CLUH: variants seen among roughly 807,000 people sequenced by gnomAD.
CLUH encodes the protein clustered mitochondria protein homolog.
In CLUH, 77 loss-of-function variants were observed where a neutral mutation model predicts 139.3. The observed-to-expected ratio is 0.55, with a 90% CI of 0.46 to 0.67. CLUH has a LOEUF of 0.67. Ranked by LOEUF, CLUH falls within the 30% of genes least tolerant of loss-of-function variation. The pLI is 0.00. For missense variants in CLUH, 1,876 were observed against 1,875.8 expected (o/e 1.00, Z 0.00); for synonymous variants, 999 against 801.6 (o/e 1.25, Z -4.16).
intron 13 of CLUH, chr17:2,695,886 C>T (rs1000636047): frequency 1.5e-5 from 9 of 584,382 alleles, no homozygotes; most frequent in Non-Finnish European, 2.7e-5. Flanking sequence ...GGGCAGCCCC[C>T]ACTGAGCTCT....
intron 1 of CLUH, among the ~76,000 whole-genome samples, chr17:2,711,355 C>T (rs2070516534): frequency 6.6e-6 from 1 of 152,132 alleles, no homozygotes; most frequent in Admixed American, 6.5e-5. Context: ...GGCTGCCCTC[C>T]ACGGGACCGC....
At position 2,700,392 on chromosome 17, in the gene CLUH, G is replaced by A; in HGVS notation, c.1256C>T (p.Ala419Val). ...AGAGGCTGCAGGCACCTTGAATATG[G>A]CCCTTTCTCGGAGCAGCCGCTCAGG... ...NLPERLLRER[A>V]IFKVHSDFTA... The change falls in exon 9 of 26, where the codon GCC becomes GTC. Residue 419 changes from alanine to valine, a missense_variant. Physicochemically the swap from Ala to Val is moderately conservative, Grantham distance 64. Transcript: ENST00000651024. 3 of 1,612,814 alleles carry A rather than the reference G, an allele frequency of 1.9e-6. No individual in the cohort carries two copies. Among genetic ancestry groups the A allele is most frequent in the Non-Finnish European group, 2.5e-6 (3 of 1,179,658 alleles).
At chr17:2,691,956 GCCA>G (rs1567575736) in intron 23 of CLUH, 45 bp downstream of exon 23, 39 of 440,022 alleles carry the variant, frequency 8.9e-5, no homozygotes, top group African/African-American at 4.5e-4. Flanking sequence ...CCCCCGCCCC[GCCA>G]CGCCCCCGCC....
Position 2,706,777 on chromosome 17 carries a change from A to T in CLUH, c.101-2213T>A, listed in dbSNP as rs1260448775. Among the ~76,000 whole-genome samples the T allele has an allele frequency of 2.6e-5, 4 of 152,032 alleles. No individual in the cohort carries two copies. Among genetic ancestry groups the T allele is most frequent in the Non-Finnish European group, 5.9e-5 (4 of 67,990 alleles). ...GCTGTGCTGGCTGCCAAGCCCCTGG[A>T]ATAAGGGGAGAAGCAGGAAGGGCCC... On this transcript the variant is annotated intron_variant, in intron 1 of 25. Coordinates refer to ENST00000651024, the MANE Select transcript of CLUH (RefSeq NM_001366661.1). The surrounding 1 kb of genome is among the most constrained non-coding windows in gnomAD (Gnocchi z 4.6).
chr17:2,701,906 T>C lies in CLUH; in HGVS notation c.619+8A>G. 1 of 1,613,366 alleles carries C rather than the reference T, an allele frequency of 6.2e-7. No homozygotes were observed. Among genetic ancestry groups the C allele is most frequent in the South Asian group, 1.1e-5 (1 of 91,074 alleles). The stretch of plus-strand genomic sequence containing the variant: ...TGGCCCAATCCCCGGCCCCAGTGCC[T>C]CCCGCACCTCCCAGGTCGCCGTCGG... On this transcript the variant is annotated splice_region_variant and intron_variant, in intron 4 of 25. Coordinates refer to ENST00000651024, the MANE Select transcript of CLUH (RefSeq NM_001366661.1).
intron 19 of CLUH, among the ~76,000 whole-genome samples, chr17:2,693,667 TG>T (rs765236720): frequency 6.3e-4 from 96 of 152,158 alleles, no homozygotes; most frequent in African/African-American, 1.8e-3. Context: ...TGACGCCCTG[TG>T]GGGGGGTCCC....
In CLUH at chr17:2,703,622, T is replaced by C. The variant is rs576124554; in HGVS notation, c.304-133A>G. ...CCCTTGTCCCCAGCCCAAAGTACCT[T>C]GGTCCCCAGAATAAATGCCCCAAAT... On this transcript the variant is annotated intron_variant, in intron 2 of 25. Transcript: ENST00000651024. This position sits in a 1 kb window ranked among gnomAD's most constrained non-coding sequence, Gnocchi z 4.2. 3.8e-5 allele frequency: 31 copies of C among 813,540 alleles called. No individual in the cohort carries two copies. In the East Asian group the frequency reaches 6.8e-4, roughly 18 times the overall value. 50.4% of individuals were successfully genotyped at this position (813,540 alleles called of 1,614,324 possible).
Position 2,701,254 on chromosome 17 carries a change from T to C in CLUH, c.911A>G (p.Tyr304Cys). The C allele has an allele frequency of 6.2e-7, 1 of 1,612,590 alleles. No individual in the cohort carries two copies. The highest frequency in any genetic ancestry group is 8.5e-7 in the Non-Finnish European group (1 of 1,179,346). ...RGFYLNQSTAYHFNPKPASPR... is the reference protein window; with the variant it reads ...RGFYLNQSTACHFNPKPASPR... ...GCTGGCGGGCTTGGGGTTGAAGTGATAAGCTGTGGACCTGCAGGGAGAGGG... is the reference window on the plus strand; with the variant it reads ...GCTGGCGGGCTTGGGGTTGAAGTGACAAGCTGTGGACCTGCAGGGAGAGGG... The change falls in exon 7 of 26, where the codon TAT becomes TGT. Residue 304 changes from tyrosine (Y) to cysteine (C), a missense_variant. Transcript: ENST00000651024.
Position 2,701,454 on chromosome 17 carries a change from G to T in CLUH, c.811C>A (p.His271Asn), listed in dbSNP as rs2070177041. The change falls in exon 6 of 26, where the codon CAC becomes AAC. Residue 271 changes from histidine (H) to asparagine (N), a missense_variant. This residue lies in a region of CLUH where 270 missense variants were observed against 354.7 expected (regional missense o/e 0.76). Transcript: ENST00000651024. ...WNPPPGNRKM[H>N]GDLMYLFVIT... The stretch of plus-strand genomic sequence containing the variant: ...ACAAACAGGTACATGAGGTCCCCGT[G>T]CATCTTCCGGTTCCCCGGGGGCGGG... 6.2e-7 allele frequency: 1 copy of T among 1,613,592 alleles called. No individual in the cohort carries two copies.
Position 2,692,045 on chromosome 17 carries a change from G to A in CLUH, c.3613C>T (p.Leu1205=), listed in dbSNP as rs2069704253. The A allele has an allele frequency of 6.2e-7, 1 of 1,602,784 alleles. No homozygotes were observed. The highest frequency in any genetic ancestry group is 2.3e-5 in the East Asian group (1 of 44,434). ...YESKAEFRSA[L]QHEKEGYTIY... is the part of the protein sequence containing the mutation. The stretch of plus-strand genomic sequence containing the variant: ...GTGTAACCCTCCTTCTCGTGCTGCA[G>A]GGCCGACCGGAACTCAGCTTTGCTC... The change falls in exon 23 of 26, where the codon CTG becomes TTG. Residue 1205 remains leucine (L), a synonymous_variant. Transcript: ENST00000651024.
At chr17:2,691,959 A>ACGCCC (rs2069679490) in intron 23 of CLUH, 45 bp downstream of exon 23, 18 of 380,128 alleles carry the variant, frequency 4.7e-5, no homozygotes, top group South Asian at 4.0e-4. Context: ...CCGCCCCGCC[A>ACGCCC]CGCCCCCGCC....
rs139378289 is a variant in CLUH, at chr17:2,696,069, G to A, written c.2391+90C>T. On this transcript the variant is annotated intron_variant, in intron 13 of 25. Coordinates refer to ENST00000651024, the MANE Select transcript of CLUH (RefSeq NM_001366661.1). ...AAAGCTGAAAAAGTCACTCCTGCGA[G>A]CCTGTGTTCATGGGCCTCCAAGTCG... 4.1e-4 allele frequency: 429 copies of A among 1,054,464 alleles called. 3 individuals are homozygous for A. The East Asian group carries it at 0.011, about 27-fold the overall frequency. 65.3% of individuals were successfully genotyped at this position (1,054,464 alleles called of 1,614,324 possible).
At chr17:2,691,541 A>G in intron 25 of CLUH, 68 bp downstream of exon 25, 1 of 1,486,682 alleles carries the variant, frequency 6.7e-7, no homozygotes, top group Non-Finnish European at 9.2e-7. Context: ...AGCCCGGGTG[A>G]CAGGGCGAGA....
rs2070364606 is a variant in CLUH at position 2,706,822 on chromosome 17, A to T, written c.101-2258T>A. Among the ~76,000 whole-genome samples, 1 of 152,156 alleles carries T rather than the reference A, an allele frequency of 6.6e-6. No homozygotes were observed. The highest frequency in any genetic ancestry group is 1.5e-5 in the Non-Finnish European group (1 of 68,014). ...GGGCCCCCACCCAATATAGAACAGC[A>T]GTTTTGAGCTATGAGATCCCAAAAG... is the stretch of plus-strand genomic sequence containing the variant. On this transcript the variant is annotated intron_variant, in intron 1 of 25. Transcript: ENST00000651024. This position sits in a 1 kb window ranked among gnomAD's most constrained non-coding sequence, Gnocchi z 4.6.
intron 10 of CLUH, among the ~76,000 whole-genome samples, chr17:2,697,682 C>T (rs554244979): frequency 6.6e-6 from 1 of 152,236 alleles, no homozygotes; most frequent in Non-Finnish European, 1.5e-5. Flanking sequence ...CCACATTACC[C>T]GCCTGGCTGC....
In CLUH at chr17:2,700,670, GC is replaced by G; in HGVS notation, c.1173+7del. 1.3e-6 allele frequency: 2 copies of G among 1,519,310 alleles called. No homozygotes were observed. Among genetic ancestry groups the G allele is most frequent in the Non-Finnish European group, 1.8e-6 (2 of 1,137,478 alleles). 94.1% of individuals were successfully genotyped at this position (1,519,310 alleles called of 1,614,324 possible). A position where few individuals can be genotyped will look rare whatever the true frequency, so the allele number is the denominator to read the frequency against. ...TGCCCAGCGAGGGCAGGGCCAGGTT[GC>G]AGGCACCTGTCCAGGAATGTGCTCC... On this transcript the variant is annotated splice_region_variant and intron_variant, in intron 8 of 25. Coordinates refer to ENST00000651024, the MANE Select transcript of CLUH (RefSeq NM_001366661.1).
In CLUH at chr17:2,703,886, TCTGGGGCCCAAGC is replaced by T. The variant is rs2070264515; in HGVS notation, c.304-410_304-398del. Among the ~76,000 whole-genome samples the T allele has an allele frequency of 6.6e-6, 1 of 152,178 alleles. No individual in the cohort carries two copies. Among genetic ancestry groups the T allele is most frequent in the African/African-American group, 2.4e-5 (1 of 41,446 alleles). On this transcript the variant is annotated intron_variant, in intron 2 of 25. Coordinates refer to ENST00000651024, the MANE Select transcript of CLUH (RefSeq NM_001366661.1). This position sits in a 1 kb window ranked among gnomAD's most constrained non-coding sequence, Gnocchi z 4.2. ...GGCTTTCCCCTTCCAGAAGGGGTGC[TCTGGGGCCCAAGC>T]CTGCGGGTGCCGAGACATACGACGA...
At chr17:2,694,603 G>A (rs776138277) in intron 16 of CLUH, 39 bp from the exon 17 acceptor site, 65 of 1,519,836 alleles carry the variant, frequency 4.3e-5, no homozygotes, top group Middle Eastern at 1.8e-4. Flanking sequence ...CCCAAGCACC[G>A]CCGGGCCCCC....
chr17:2,698,147 C>A lies in CLUH; in HGVS notation c.1710G>T (p.Arg570=), dbSNP rs376982680. ...CGTCACGGTCGTTGAGCACCTGGTG[C>A]CGCAGGATCTTGAGGGGCCGACTCG... ...ERTSRPLKIL[R]HQVLNDRDEE... is the part of the protein sequence containing the mutation. The change falls in exon 10 of 26, where the codon CGG becomes CGT. Residue 570 remains arginine (R), a synonymous_variant. Coordinates refer to ENST00000651024, the MANE Select transcript of CLUH (RefSeq NM_001366661.1). 2.5e-5 allele frequency: 40 copies of A among 1,582,394 alleles called. No homozygotes were observed. Among genetic ancestry groups the A allele is most frequent in the Non-Finnish European group, 3.3e-5 (38 of 1,165,552 alleles).
Sources: allele counts gnomAD v4.1 joint callset (sites outside exome capture counted in the v4.1 genomes callset), GRCh38; gene constraint gnomAD v4.1.1; regional missense constraint gnomAD v4.1.1; non-coding constraint Gnocchi (gnomAD v3.1); transcripts MANE v1.5; gene names NCBI Gene and HGNC (gene_info 2026-07-23, HGNC 2026-07-21).